Variants in PDE1C observed in about 807,000 individuals in gnomAD.
PDE1C encodes phosphodiesterase 1C.
Under a neutral mutation model 93.1 loss-of-function variants are expected in PDE1C, and 62 were observed. That is an observed-to-expected ratio of 0.67 (90% CI 0.54 to 0.82). The LOEUF is 0.82. Ranked by LOEUF, PDE1C falls within the 40% of genes least tolerant of loss-of-function variation. The pLI, the probability that PDE1C is intolerant of heterozygous loss-of-function variation, is 0.00. For synonymous variants in PDE1C, 325 were observed against 310.1 expected (o/e 1.05, Z -0.50); for missense variants, 742 against 884.6 (o/e 0.84, Z 2.04).
At chr7:32,064,477 A>G (rs541779460) in intron 1 of PDE1C, among the ~76,000 whole-genome samples, 31 of 152,266 alleles carry the variant, frequency 2.0e-4, no homozygotes, top group African/African-American at 6.3e-4. Context: ...CTGTTCTTTC[A>G]TCTTCAGCAG....
At chr7:31,884,025 C>G (rs892160353) in intron 2 of PDE1C, among the ~76,000 whole-genome samples, 3 of 152,148 alleles carry the variant, frequency 2.0e-5, no homozygotes, top group Non-Finnish European at 2.9e-5. Context: ...AATAATGCAC[C>G]TTTTGGATGC....
chr7:31,812,567 T>G (rs1233157896), intron 15 of PDE1C, among the ~76,000 whole-genome samples: 1 of 152,146 alleles, frequency 6.6e-6, no homozygotes, highest in Non-Finnish European at 1.5e-5. Flanking sequence ...TTATGACATA[T>G]GATATTATGT....
chr7:32,000,993 C>T (rs1392365098), intron 2 of PDE1C, among the ~76,000 whole-genome samples: 3 of 149,070 alleles, frequency 2.0e-5, no homozygotes, highest in East Asian at 2.0e-4. Flanking sequence ...TGTGTGTATA[C>T]GTGTGTGTGT....
rs569245118 is a variant in PDE1C at position 31,806,746 on chromosome 7, C to A, written c.1891+2285G>T. 1.2e-3 allele frequency among the ~76,000 whole-genome samples: 187 copies of A among 152,000 alleles called. 1 individual carries two copies. The highest frequency in any genetic ancestry group is 4.2e-3 in the African/African-American group (176 of 41,510). Reference sequence around the variant, plus strand: ...TGGGCATGAATTGTACCCAGATACTCCCTCTCAAATATTAAAGAGAACTAG... The same window carrying A: ...TGGGCATGAATTGTACCCAGATACTACCTCTCAAATATTAAAGAGAACTAG... On this transcript the variant is annotated intron_variant, in intron 16 of 17. Transcript: ENST00000396191.
At chr7:32,028,719 AC>A (rs1789824969) in intron 2 of PDE1C, among the ~76,000 whole-genome samples, 1 of 152,104 alleles carries the variant, frequency 6.6e-6, no homozygotes, top group South Asian at 2.1e-4. Context: ...TTAGAAATTT[AC>A]CCTCTTAGCA....
chr7:31,836,239 G>A (rs772194010), intron 11 of PDE1C, among the ~76,000 whole-genome samples: 1 of 152,136 alleles, frequency 6.6e-6, no homozygotes, highest in Admixed American at 6.6e-5. Flanking sequence ...GAAAGACTTC[G>A]GTCTTGGTGC....
At chr7:31,661,059 G>A in the PDE1C span, among the ~76,000 whole-genome samples, 5 of 151,526 alleles carry the variant, frequency 3.3e-5, no homozygotes, top group African/African-American at 1.2e-4. Flanking sequence ...AGATAAGCTC[G>A]AGAAAAGGTA....
chr7:31,838,031 G>A (rs1190893540), intron 9 of PDE1C, 60 bp from the exon 10 acceptor site: 1 of 1,135,652 alleles, frequency 8.8e-7, no homozygotes, highest in East Asian at 2.4e-5. Context: ...GTAAAAATCA[G>A]TGTTTTTTTT....
chr7:32,137,034 A>G (rs911844498), intron 3 of PDE1C, among the ~76,000 whole-genome samples: 6 of 152,208 alleles, frequency 3.9e-5, no homozygotes, highest in Admixed American at 2.6e-4. Flanking sequence ...TCACAGAATC[A>G]TGTATTCACT....
intron 7 of PDE1C, among the ~76,000 whole-genome samples, chr7:31,860,702 C>A (rs951992093): frequency 6.6e-6 from 1 of 152,032 alleles, no homozygotes. Context: ...AAGCTTTTAA[C>A]TTTAATGTAT....
chr7:32,290,517 C>T (rs215599), intron 1 of PDE1C, among the ~76,000 whole-genome samples: 76,287 of 151,976 alleles, frequency 0.5, 22,092 homozygotes, highest in Admixed American at 0.64. Flanking sequence ...AAGAAGGAAT[C>T]GCTATCCCCA....
chr7:32,389,315 C>A (rs1231730100), intron 1 of PDE1C, among the ~76,000 whole-genome samples: 1 of 152,126 alleles, frequency 6.6e-6, no homozygotes, highest in Non-Finnish European at 1.5e-5. Context: ...CTCCCAGGTT[C>A]AAGTGATTCT....
the PDE1C span, chr7:31,651,892 C>T: frequency 7.3e-7 from 1 of 1,368,474 alleles, no homozygotes; most frequent in Non-Finnish European, 1.0e-6. Flanking sequence ...AAGATTGCAC[C>T]TGGGAAGGAT....
At chr7:31,662,868 C>T in the PDE1C span, among the ~76,000 whole-genome samples, 1 of 152,090 alleles carries the variant, frequency 6.6e-6, no homozygotes, top group African/African-American at 2.4e-5. Flanking sequence ...ATATTTATCC[C>T]TCTGATCCAT....
At chr7:31,760,774 ACAC>A (rs1794783123) in intron 17 of PDE1C, among the ~76,000 whole-genome samples, 1 of 151,822 alleles carries the variant, frequency 6.6e-6, no homozygotes, top group South Asian at 2.1e-4. Context: ...ACACACACAC[ACAC>A]ACACACACAC....
At chr7:32,161,787 C>T (rs554013857) in intron 3 of PDE1C, among the ~76,000 whole-genome samples, 1 of 152,246 alleles carries the variant, frequency 6.6e-6, no homozygotes, top group Non-Finnish European at 1.5e-5. Flanking sequence ...CCCAACCCAA[C>T]AGCACTGAAA....
chr7:31,791,437 G>A (rs1188464967), intron 16 of PDE1C, among the ~76,000 whole-genome samples: 1 of 152,106 alleles, frequency 6.6e-6, no homozygotes, highest in Non-Finnish European at 1.5e-5. Flanking sequence ...AATCAAGGAT[G>A]AGAAATTTTC....
intron 1 of PDE1C, among the ~76,000 whole-genome samples, chr7:32,386,937 G>C (rs1295864965): frequency 6.6e-6 from 1 of 150,654 alleles, no homozygotes; most frequent in Non-Finnish European, 1.5e-5. Context: ...GGATTTGGCA[G>C]GGTCATAGGA....
At chr7:32,179,758 C>T (rs961476413) in intron 2 of PDE1C, among the ~76,000 whole-genome samples, 3 of 152,102 alleles carry the variant, frequency 2.0e-5, no homozygotes, top group Non-Finnish European at 4.4e-5. Flanking sequence ...AAAAGGAGCC[C>T]AAGGTGATGT....
Sources: gnomAD v4.1 joint callset for allele counts (sites outside exome capture counted in the v4.1 genomes callset) on GRCh38, gnomAD v4.1.1 for gene constraint, MANE v1.5 for transcripts, NCBI Gene and HGNC (gene_info 2026-07-23, HGNC 2026-07-21) for gene names.